The following TNFSF4 variants were observed in gnomAD, a reference collection of about 807,000 sequenced individuals.
The protein encoded by TNFSF4 is TNF superfamily member 4.
Under a neutral mutation model 7.3 loss-of-function variants are expected in TNFSF4, and 4 were observed. That is an observed-to-expected ratio of 0.55 (90% CI 0.27 to 1.25). The LOEUF (loss-of-function observed/expected upper bound fraction) is 1.25. Among genes scored for constraint, TNFSF4 ranks in the 50% most tolerant of loss-of-function variants. The pLI is 0.12. For synonymous variants in TNFSF4, 76 were observed against 83.7 expected (o/e 0.91, Z 0.50); for missense variants, 181 against 208.8 (o/e 0.87, Z 0.82).
the TNFSF4 span, among the ~76,000 whole-genome samples, chr1:173,407,432 C>G: frequency 2.6e-5 from 4 of 151,788 alleles, no homozygotes; most frequent in Non-Finnish European, 5.9e-5. Flanking sequence ...TGGTCGCACA[C>G]ACCTGTAATC....
At chr1:173,300,277 C>T in the TNFSF4 span, among the ~76,000 whole-genome samples, 1 of 151,772 alleles carries the variant, frequency 6.6e-6, no homozygotes, top group African/African-American at 2.4e-5. Flanking sequence ...TCCTCTTTGG[C>T]CTACCCATAT....
the TNFSF4 span, among the ~76,000 whole-genome samples, chr1:173,241,558 G>A: frequency 6.6e-6 from 1 of 152,190 alleles, no homozygotes; most frequent in Admixed American, 6.5e-5. Flanking sequence ...ATTAGTAAAG[G>A]AGAAAGTCTG....
chr1:173,287,938 A>G, the TNFSF4 span, among the ~76,000 whole-genome samples: 1 of 152,210 alleles, frequency 6.6e-6, no homozygotes, highest in Non-Finnish European at 1.5e-5. Context: ...GAAATATTCT[A>G]CATCTTGATG....
chr1:173,263,828 G>A, the TNFSF4 span, among the ~76,000 whole-genome samples: 1 of 152,224 alleles, frequency 6.6e-6, no homozygotes, highest in Non-Finnish European at 1.5e-5. Context: ...GTTTCCTTCA[G>A]CAGAGGGCAA....
At chr1:173,314,564 A>G in the TNFSF4 span, among the ~76,000 whole-genome samples, 1 of 152,124 alleles carries the variant, frequency 6.6e-6, no homozygotes, top group Non-Finnish European at 1.5e-5. Context: ...CATTCTGTGC[A>G]TGCATCACTG....
chr1:173,302,509 T>C, the TNFSF4 span, among the ~76,000 whole-genome samples: 1 of 151,836 alleles, frequency 6.6e-6, no homozygotes, highest in African/African-American at 2.4e-5. Context: ...TCCCGTTTTA[T>C]AGATGAGAAA....
At chr1:173,395,702 G>A in the TNFSF4 span, among the ~76,000 whole-genome samples, 1 of 152,004 alleles carries the variant, frequency 6.6e-6, no homozygotes, top group Admixed American at 6.6e-5. Context: ...GCCTCACAGG[G>A]TGTCTACTGT....
chr1:173,181,771 A>G (rs1649058897), downstream of TNFSF4, among the ~76,000 whole-genome samples: 1 of 152,200 alleles, frequency 6.6e-6, no homozygotes, highest in South Asian at 2.1e-4. Context: ...AAAAGTGTTC[A>G]TGTGCCAATT....
At chr1:173,415,657 C>T in the TNFSF4 span, among the ~76,000 whole-genome samples, 1 of 152,250 alleles carries the variant, frequency 6.6e-6, no homozygotes. Context: ...TTAGGCAAAT[C>T]AGCTAACCTC....
the TNFSF4 span, among the ~76,000 whole-genome samples, chr1:173,303,081 G>A: frequency 6.6e-6 from 1 of 151,832 alleles, no homozygotes; most frequent in African/African-American, 2.4e-5. Context: ...ACAAACCTGA[G>A]AGGTGCCTTC....
the TNFSF4 span, among the ~76,000 whole-genome samples, chr1:173,330,704 A>G: frequency 6.6e-6 from 1 of 152,166 alleles, no homozygotes; most frequent in Non-Finnish European, 1.5e-5. Context: ...TTTAAATCTG[A>G]TATCTAAGCA....
chr1:173,370,647 C>A, the TNFSF4 span, among the ~76,000 whole-genome samples: 1 of 152,294 alleles, frequency 6.6e-6, no homozygotes, highest in East Asian at 1.9e-4. Context: ...CAATCAGCCA[C>A]AGATATCAGG....
At chr1:173,344,021 G>A in the TNFSF4 span, among the ~76,000 whole-genome samples, 3 of 152,080 alleles carry the variant, frequency 2.0e-5, no homozygotes, top group Non-Finnish European at 4.4e-5. Context: ...GATCCTACAG[G>A]TTCTAGGAAT....
At chr1:173,368,988 A>G in the TNFSF4 span, among the ~76,000 whole-genome samples, 3 of 152,128 alleles carry the variant, frequency 2.0e-5, no homozygotes, top group African/African-American at 7.2e-5. Flanking sequence ...AGAAAGATAT[A>G]ATTATTGCCC....
At chr1:173,253,311 G>A in the TNFSF4 span, among the ~76,000 whole-genome samples, 23 of 152,156 alleles carry the variant, frequency 1.5e-4, no homozygotes, top group African/African-American at 5.1e-4. Context: ...ATAAGTGAAC[G>A]AACTTAGAAT....
At chr1:173,383,390 A>G in the TNFSF4 span, among the ~76,000 whole-genome samples, 1 of 152,252 alleles carries the variant, frequency 6.6e-6, no homozygotes, top group East Asian at 1.9e-4. Flanking sequence ...GGTATCATTT[A>G]AACCAAGATC....
chr1:173,407,601 T>C, the TNFSF4 span, among the ~76,000 whole-genome samples: 1 of 145,976 alleles, frequency 6.9e-6, no homozygotes, highest in South Asian at 2.2e-4. Context: ...ATCTGGAAAG[T>C]GAAAACTAGA....
the TNFSF4 span, among the ~76,000 whole-genome samples, chr1:173,264,388 G>A: frequency 7.0e-6 from 1 of 143,116 alleles, no homozygotes; most frequent in African/African-American, 2.6e-5. Flanking sequence ...TCAAACTCCT[G>A]GGCCCAAGTG....
At chr1:173,298,892 T>C in the TNFSF4 span, among the ~76,000 whole-genome samples, 3 of 151,908 alleles carry the variant, frequency 2.0e-5, no homozygotes, top group African/African-American at 7.2e-5. Context: ...TCACACTGGA[T>C]AAATGAAAGA....
Sources: gnomAD v4.1 joint callset for allele counts (sites outside exome capture counted in the v4.1 genomes callset) on GRCh38, gnomAD v4.1.1 for gene constraint, MANE v1.5 for transcripts, NCBI Gene and HGNC (gene_info 2026-07-23, HGNC 2026-07-21) for gene names.